Variants in PDE1C observed in about 807,000 individuals in gnomAD.
PDE1C encodes the protein phosphodiesterase 1C, also known as dual specificity calcium/calmodulin-dependent 3',5'-cyclic nucleotide phosphodiesterase 1C.
A neutral mutation model predicts 93.1 loss-of-function variants in PDE1C; 62 were observed. The observed-to-expected ratio is 0.67, with a 90% CI of 0.54 to 0.82. PDE1C has a LOEUF of 0.82. PDE1C is among the 40% of genes least tolerant of loss of function. PDE1C has a pLI of 0.00. For missense variants in PDE1C, 742 were observed against 884.6 expected (o/e 0.84, Z 2.04); for synonymous variants, 325 against 310.1 (o/e 1.05, Z -0.50).
chr7:32,242,263 G>A (rs1163356741), intron 1 of PDE1C, among the ~76,000 whole-genome samples: 1 of 152,140 alleles, frequency 6.6e-6, no homozygotes, highest in African/African-American at 2.4e-5. Flanking sequence ...AGTCTGATAG[G>A]GCTGATGGAC....
chr7:31,696,940 T>C, the PDE1C span: 1 of 1,610,606 alleles, frequency 6.2e-7, no homozygotes, highest in Non-Finnish European at 8.5e-7. Context: ...ATCCTGTTTC[T>C]CTCTGTGTTC....
chr7:31,925,013 C>A (rs1029519074), intron 2 of PDE1C, among the ~76,000 whole-genome samples: 4 of 149,238 alleles, frequency 2.7e-5, no homozygotes, highest in African/African-American at 9.9e-5. Flanking sequence ...TATTCCTATC[C>A]TTGAAGGAGC....
At chr7:31,825,656 T>C (rs1349922890) in intron 12 of PDE1C, among the ~76,000 whole-genome samples, 1 of 152,020 alleles carries the variant, frequency 6.6e-6, no homozygotes, top group African/African-American at 2.4e-5. Context: ...GGGAGAAGGA[T>C]GAGAAAATCA....
intron 1 of PDE1C, among the ~76,000 whole-genome samples, chr7:32,065,793 G>A (rs970807): frequency 0.32 from 49,155 of 152,144 alleles, 9,750 homozygotes; most frequent in Non-Finnish European, 0.46. Context: ...TCTTTGCTGT[G>A]TAGGTTGGAA....
the PDE1C span, among the ~76,000 whole-genome samples, chr7:31,732,366 T>G: frequency 6.6e-6 from 1 of 152,176 alleles, no homozygotes; most frequent in African/African-American, 2.4e-5. Context: ...GGTGTTGCCG[T>G]GAAGATTTTT....
rs370521871 is a variant in PDE1C at position 32,377,859 on chromosome 7, A to G, written c.310+49963T>C. Among the ~76,000 whole-genome samples, 7 of 152,260 alleles carry G rather than the reference A, an allele frequency of 4.6e-5. No individual in the cohort carries two copies. In the East Asian group the frequency reaches 1.4e-3, roughly 29 times the overall value. On this transcript the variant is annotated intron_variant, in intron 1 of 1. Coordinates refer to the PDE1C transcript ENST00000672256. ...AGCAAACCAAGCGGCCCCAGAGGAAAAACCACTGGAGACAGCATCTGAGTT... is the reference window on the plus strand; with the variant it reads ...AGCAAACCAAGCGGCCCCAGAGGAAGAACCACTGGAGACAGCATCTGAGTT...
intron 2 of PDE1C, among the ~76,000 whole-genome samples, chr7:31,903,141 T>C (rs1438284268): frequency 1.3e-5 from 2 of 151,870 alleles, no homozygotes; most frequent in Non-Finnish European, 2.9e-5. Flanking sequence ...GAATAGTGAT[T>C]TTATAAAACC....
the PDE1C span, among the ~76,000 whole-genome samples, chr7:31,710,571 A>T: frequency 6.6e-6 from 1 of 152,198 alleles, no homozygotes; most frequent in South Asian, 2.1e-4. Context: ...ACAAGGATAG[A>T]CTGAGATCCC....
chr7:31,869,865 A>G (rs911150947), intron 6 of PDE1C, among the ~76,000 whole-genome samples: 1 of 152,086 alleles, frequency 6.6e-6, no homozygotes, highest in African/African-American at 2.4e-5. Flanking sequence ...ATATGTTAGG[A>G]CACAAAATAA....
chr7:32,076,641 T>TA (rs1796370204), intron 3 of PDE1C, among the ~76,000 whole-genome samples: 1 of 91,210 alleles, frequency 1.1e-5, no homozygotes, highest in African/African-American at 4.4e-5. Flanking sequence ...AGACTCCATC[T>TA]CAAAAAAAAA....
intron 3 of PDE1C, among the ~76,000 whole-genome samples, chr7:32,157,140 G>A (rs1801622352): frequency 6.6e-6 from 1 of 152,166 alleles, no homozygotes; most frequent in Non-Finnish European, 1.5e-5. Context: ...TCAGTGTCAT[G>A]AAAGGCAAGA....
At chr7:32,056,171 G>C (rs1207239275) in intron 1 of PDE1C, among the ~76,000 whole-genome samples, 1 of 152,026 alleles carries the variant, frequency 6.6e-6, no homozygotes, top group Non-Finnish European at 1.5e-5. Context: ...CTGGGACCTG[G>C]CAAATTTGGC....
At chr7:31,754,122 A>C (rs563176557) in intron 17 of PDE1C, among the ~76,000 whole-genome samples, 1 of 152,398 alleles carries the variant, frequency 6.6e-6, no homozygotes, top group South Asian at 2.1e-4. Context: ...AGGAAGATGT[A>C]TGTGTCAAAT....
chr7:32,318,761 C>A (rs1195698942), intron 1 of PDE1C, among the ~76,000 whole-genome samples: 1 of 152,182 alleles, frequency 6.6e-6, no homozygotes, highest in East Asian at 1.9e-4. Flanking sequence ...ATTACATTTG[C>A]CCGCGTATCT....
intron 1 of PDE1C, among the ~76,000 whole-genome samples, chr7:32,219,716 C>T (rs1159805935): frequency 6.6e-6 from 1 of 152,252 alleles, no homozygotes; most frequent in Non-Finnish European, 1.5e-5. Context: ...CCCTGCAATC[C>T]TGGCCTCACT....
chr7:31,719,629 C>T, the PDE1C span, among the ~76,000 whole-genome samples: 1 of 152,176 alleles, frequency 6.6e-6, no homozygotes, highest in Non-Finnish European at 1.5e-5. Context: ...ATTCTCTCCC[C>T]ATCCCCTCAC....
chr7:32,225,592 CACA>C, intron 1 of PDE1C, among the ~76,000 whole-genome samples: 1 of 152,208 alleles, frequency 6.6e-6, no homozygotes, highest in Admixed American at 6.5e-5. Context: ...AATTTAAGCT[CACA>C]ACGAGAATTC....
At chr7:32,250,560 T>G (rs1809300612) in intron 1 of PDE1C, among the ~76,000 whole-genome samples, 1 of 152,280 alleles carries the variant, frequency 6.6e-6, no homozygotes. Context: ...CTAATACACT[T>G]TCTATGAAAT....
At chr7:32,207,886 C>T (rs1805713599) in intron 2 of PDE1C, among the ~76,000 whole-genome samples, 2 of 152,212 alleles carry the variant, frequency 1.3e-5, no homozygotes, top group Admixed American at 1.3e-4. Flanking sequence ...CTGGGACTCC[C>T]ATGGGGGAAG....
Sources: allele counts gnomAD v4.1 joint callset (sites outside exome capture counted in the v4.1 genomes callset), GRCh38; gene constraint gnomAD v4.1.1; transcripts MANE v1.5; gene names NCBI Gene and HGNC (gene_info 2026-07-23, HGNC 2026-07-21).